Variants in EXD2 observed in about 807,000 individuals in gnomAD.
The protein encoded by EXD2 is exonuclease 3'-5' domain containing 2.
A neutral mutation model predicts 62.5 loss-of-function variants in EXD2; 40 were observed. That is an observed-to-expected ratio of 0.64 (90% confidence interval 0.50 to 0.83). EXD2 has a LOEUF of 0.83. Ranked by LOEUF, EXD2 falls within the 40% of genes least tolerant of loss-of-function variation. The pLI is 0.00. For missense variants in EXD2, 671 were observed against 761.8 expected (o/e 0.88, Z 1.40); for synonymous variants, 239 against 291.9 (o/e 0.82, Z 1.85).
chr14:69,204,673 C>G (rs1304032745), intron 2 of EXD2, among the ~76,000 whole-genome samples: 4 of 152,030 alleles, frequency 2.6e-5, no homozygotes, highest in African/African-American at 9.7e-5. Context: ...TAAACTGTTA[C>G]CACAGTTTAA....
chr14:69,199,156 A>G (rs1310923887), intron 1 of EXD2, among the ~76,000 whole-genome samples: 2 of 152,246 alleles, frequency 1.3e-5, no homozygotes, highest in East Asian at 3.9e-4. Flanking sequence ...AGGCAGGAGA[A>G]TCGCTTGAAC....
chr14:69,234,992 A>G lies in EXD2; in HGVS notation c.1010A>G (p.Lys337Arg), dbSNP rs1302522809. The change falls in exon 6 of 10, where the codon AAA becomes AGA. Residue 337 changes from lysine to arginine, a missense_variant. Physicochemically the swap from Lys to Arg is conservative, Grantham distance 26. Coordinates refer to ENST00000685843, the MANE Select transcript of EXD2 (RefSeq NM_001193360.2). The stretch of plus-strand genomic sequence containing the variant: ...AACCACCAAGGGAGAGACCCCAGAA[A>G]ACATAAAAGAAAGCCTCTGGGGGTG... ...PGNHQGRDPRKHKRKPLGVGY... is the reference protein window; with the variant it reads ...PGNHQGRDPRRHKRKPLGVGY... 2 of 1,607,392 alleles carry G rather than the reference A, an allele frequency of 1.2e-6. No homozygotes were observed. The highest frequency in any genetic ancestry group is 2.7e-5 in the African/African-American group (2 of 74,478).
chr14:69,233,513 G>A (rs566424392), intron 5 of EXD2, among the ~76,000 whole-genome samples: 167 of 151,760 alleles, frequency 1.1e-3, no homozygotes, highest in African/African-American at 3.9e-3. Flanking sequence ...TGCAACTTCT[G>A]CCTCCTGGGT....
chr14:69,220,996 A>G (rs1009949526), intron 3 of EXD2, among the ~76,000 whole-genome samples: 10 of 152,132 alleles, frequency 6.6e-5, no homozygotes, highest in African/African-American at 1.9e-4. Context: ...CCTCCCAGGT[A>G]GCTGGGACTA....
intron 4 of EXD2, 121 bp downstream of exon 4, chr14:69,229,193 T>C: frequency 1.6e-6 from 2 of 1,276,256 alleles, no homozygotes; most frequent in Non-Finnish European, 2.1e-6. Context: ...TAGAGGCTTC[T>C]AAGATGCATA....
rs1207252197 is a variant in EXD2, at chr14:69,241,640, G to T, written c.*540G>T. 2.6e-5 allele frequency: 10 copies of T among 387,038 alleles called. No individual in the cohort carries two copies. The highest frequency in any genetic ancestry group is 4.1e-5 in the Non-Finnish European group (9 of 219,272). 24.0% of individuals were successfully genotyped at this position (387,038 alleles called of 1,614,324 possible). A position where few individuals can be genotyped will look rare whatever the true frequency, so the allele number is the denominator to read the frequency against. ...GCTCTCCCGTAACTCATGTGGTTGG[G>T]ATCCATCCCATCTGGGTCACTTCAG... is the stretch of plus-strand genomic sequence containing the variant. On this transcript the variant is annotated 3_prime_UTR_variant, in exon 10 of 10. Coordinates refer to ENST00000685843, the MANE Select transcript of EXD2 (RefSeq NM_001193360.2).
At chr14:69,194,823 A>G (rs945457264) in intron 1 of EXD2, among the ~76,000 whole-genome samples, 13 of 152,238 alleles carry the variant, frequency 8.5e-5, no homozygotes, top group African/African-American at 2.9e-4. Context: ...GTCATATACT[A>G]TATCAGCTCA....
intron 1 of EXD2, among the ~76,000 whole-genome samples, chr14:69,193,537 A>G (rs1223568465): frequency 6.6e-6 from 1 of 152,112 alleles, no homozygotes; most frequent in Non-Finnish European, 1.5e-5. Flanking sequence ...ATCTCTTTCT[A>G]TTGGATTGTC....
At chr14:69,237,227 T>C (rs978973666) in intron 8 of EXD2, among the ~76,000 whole-genome samples, 2 of 152,230 alleles carry the variant, frequency 1.3e-5, no homozygotes, top group African/African-American at 4.8e-5. Flanking sequence ...GAGAGTTGTT[T>C]TCCAGTTGTC....
intron 3 of EXD2, among the ~76,000 whole-genome samples, chr14:69,225,295 TCA>T (rs1398991209): frequency 6.6e-6 from 1 of 152,224 alleles, no homozygotes; most frequent in Non-Finnish European, 1.5e-5. Flanking sequence ...ATTTAAAGAA[TCA>T]CAGGCCATTC....
In EXD2 at chr14:69,206,493, G is replaced by A. The variant is rs1459586444; in HGVS notation, c.-48+2493G>A. On this transcript the variant is annotated intron_variant, in intron 2 of 9. Transcript: ENST00000685843. ...TTTTTTTTTTTTTTTTTTTGAGATA[G>A]GGTCTCACTCTCTCACCCAGGCTAG... Among the ~76,000 whole-genome samples, 9 of 80,850 alleles carry A rather than the reference G, an allele frequency of 1.1e-4. No homozygotes were observed. The South Asian group carries it at 2.2e-3, about 19-fold the overall frequency. 53.0% of individuals were successfully genotyped at this position (80,850 alleles called of 152,430 possible).
chr14:69,217,678 A>G (rs1465938691), intron 3 of EXD2, among the ~76,000 whole-genome samples: 2 of 151,880 alleles, frequency 1.3e-5, no homozygotes, highest in Admixed American at 6.6e-5. Flanking sequence ...TCCTAATGCT[A>G]TCCCTTCCCC....
At position 69,205,794 on chromosome 14, in the gene EXD2, A is replaced by G. The variant is rs116438609; in HGVS notation, c.-48+1794A>G. Among the ~76,000 whole-genome samples the G allele has an allele frequency of 9.5e-3, 1,452 of 152,202 alleles. 25 individuals are homozygous for G. The highest frequency in any genetic ancestry group is 0.034 in the African/African-American group (1,393 of 41,530). On this transcript the variant is annotated intron_variant, in intron 2 of 9. Coordinates refer to ENST00000685843, the MANE Select transcript of EXD2 (RefSeq NM_001193360.2). ...TTCCAATAGAATTTACCAGTTCTGA[A>G]CCAGTGTAAATTCAATTTCTTGGCT... is the stretch of plus-strand genomic sequence containing the variant.
Position 69,241,231 on chromosome 14 carries a change from A to C in EXD2, c.*131A>C. On this transcript the variant is annotated 3_prime_UTR_variant, in exon 10 of 10. Coordinates refer to ENST00000685843, the MANE Select transcript of EXD2 (RefSeq NM_001193360.2). ...CAACTCAGAATACTAACCTAGACTA[A>C]TCCCAGGATGCTTCTGCTGGAGCAA... 2 of 691,684 alleles carry C rather than the reference A, an allele frequency of 2.9e-6. No homozygotes were observed. The highest frequency in any genetic ancestry group is 4.7e-6 in the Non-Finnish European group (2 of 423,500). 42.8% of individuals were successfully genotyped at this position (691,684 alleles called of 1,614,324 possible).
chr14:69,214,352 C>G (rs2042922934), intron 3 of EXD2, among the ~76,000 whole-genome samples: 1 of 152,074 alleles, frequency 6.6e-6, no homozygotes, highest in Admixed American at 6.6e-5. Flanking sequence ...TTGTCTTTAT[C>G]CTTTCTTCTT....
At chr14:69,220,707 A>G (rs1021288965) in intron 3 of EXD2, among the ~76,000 whole-genome samples, 3 of 151,534 alleles carry the variant, frequency 2.0e-5, no homozygotes, top group Admixed American at 2.0e-4. Context: ...CGTCTCTTCT[A>G]AAAATACAAA....
chr14:69,194,466 C>T (rs1056545373), intron 1 of EXD2, among the ~76,000 whole-genome samples: 7 of 151,956 alleles, frequency 4.6e-5, no homozygotes, highest in African/African-American at 1.4e-4. Context: ...ACCATTAATC[C>T]GAAATGCCAC....
intron 3 of EXD2, among the ~76,000 whole-genome samples, chr14:69,225,343 T>G (rs1464119028): frequency 6.6e-6 from 1 of 152,186 alleles, no homozygotes; most frequent in Non-Finnish European, 1.5e-5. Flanking sequence ...TTTTGTTGGT[T>G]TTTTTCTTTT....
chr14:69,221,024 G>C (rs1164705802), intron 3 of EXD2, among the ~76,000 whole-genome samples: 2 of 152,224 alleles, frequency 1.3e-5, no homozygotes, highest in East Asian at 1.9e-4. Flanking sequence ...ATACCACCAT[G>C]CCTGGCTAAT....
Sources: allele counts gnomAD v4.1 joint callset (sites outside exome capture counted in the v4.1 genomes callset), GRCh38; gene constraint gnomAD v4.1.1; transcripts MANE v1.5; gene names NCBI Gene and HGNC (gene_info 2026-07-23, HGNC 2026-07-21).